MAPK8IP1: variants seen among roughly 807,000 people sequenced by gnomAD.
MAPK8IP1 encodes the protein C-Jun-amino-terminal kinase-interacting protein 1.
In MAPK8IP1, 17 loss-of-function variants were observed where a neutral mutation model predicts 72.6. That is an observed-to-expected ratio of 0.23 (90% CI 0.16 to 0.35). The LOEUF is 0.35. Among genes scored for constraint, MAPK8IP1 ranks in the 10% least tolerant of loss-of-function variants. The pLI is 1.00. For synonymous variants in MAPK8IP1, 401 were observed against 443.4 expected (o/e 0.90, Z 1.20); for missense variants, 789 against 1,009.7 (o/e 0.78, Z 2.96).
intron 1 of MAPK8IP1, among the ~76,000 whole-genome samples, chr11:45,893,299 G>C (rs2086580312): frequency 6.7e-6 from 1 of 149,048 alleles, no homozygotes; most frequent in Non-Finnish European, 1.5e-5. Context: ...AGCAAGGCAG[G>C]GGAAAAGGGC....
chr11:45,899,692 G>A (rs1257069402), intron 2 of MAPK8IP1, among the ~76,000 whole-genome samples: 2 of 152,144 alleles, frequency 1.3e-5, no homozygotes, highest in Non-Finnish European at 2.9e-5. Context: ...GCCGTTCCTT[G>A]CTTGGCTGAG....
chr11:45,896,527 G>A (rs2134670064), intron 1 of MAPK8IP1: 3 of 1,096,114 alleles, frequency 2.7e-6, no homozygotes, highest in East Asian at 1.1e-4. Context: ...GGCATTGGAA[G>A]GGCAGGTGGA....
Position 45,903,591 on chromosome 11 carries a change from G to A in MAPK8IP1, c.1493+151G>A, listed in dbSNP as rs1166342487. 2.7e-6 allele frequency: 2 copies of A among 733,610 alleles called. No individual in the cohort carries two copies. The highest frequency in any genetic ancestry group is 4.7e-6 in the Non-Finnish European group (2 of 421,406). The allele number at this position is 733,610 out of a possible 1,614,324, so 45.4% of individuals were successfully genotyped here. On this transcript the variant is annotated intron_variant, in intron 6 of 11. Coordinates refer to ENST00000241014, the MANE Select transcript of MAPK8IP1 (RefSeq NM_005456.4). This position sits in a 1 kb window ranked among gnomAD's most constrained non-coding sequence, Gnocchi z 6.4. ...CTGGGAGGACAGTGTCCACTCTCTA[G>A]GGACTCAGAGTATGGTGACAAAGAG...
intron 1 of MAPK8IP1, among the ~76,000 whole-genome samples, chr11:45,889,357 A>C (rs904917406): frequency 6.6e-6 from 1 of 152,222 alleles, no homozygotes; most frequent in Non-Finnish European, 1.5e-5. Flanking sequence ...AGGGCTGCTC[A>C]CCTGTATTTG....
chr11:45,893,880 T>C (rs76494389), intron 1 of MAPK8IP1, among the ~76,000 whole-genome samples: 2,597 of 151,542 alleles, frequency 0.017, 57 homozygotes, highest in African/African-American at 0.044. Flanking sequence ...CTGTTTAGCC[T>C]TCTCTCCATA....
Position 45,902,640 on chromosome 11 carries a change from C to T in MAPK8IP1, c.873C>T (p.Asp291=), listed in dbSNP as rs138625751. 83 of 1,612,992 alleles carry T rather than the reference C, an allele frequency of 5.1e-5. No homozygotes were observed. Among genetic ancestry groups the T allele is most frequent in the East Asian group, 2.5e-4 (11 of 44,870 alleles). The part of the protein sequence containing the change: ...IYLTPVQRPP[D]AAEPTSAFLP... Reference sequence around the variant, plus strand: ...TGACCCCAGTGCAGAGGCCCCCAGACGCTGCAGAGCCCACCTCCGCCTTCC... The same window carrying T: ...TGACCCCAGTGCAGAGGCCCCCAGATGCTGCAGAGCCCACCTCCGCCTTCC... The change falls in exon 5 of 12, where the codon GAC becomes GAT. Residue 291 remains aspartate (D), a synonymous_variant. Coordinates refer to ENST00000241014, the MANE Select transcript of MAPK8IP1 (RefSeq NM_005456.4). The surrounding 1 kb of genome is among the most constrained non-coding windows in gnomAD (Gnocchi z 9.3).
chr11:45,900,359 C>A lies in MAPK8IP1; in HGVS notation c.429C>A (p.Ser143Arg). The A allele has an allele frequency of 6.6e-7, 1 of 1,514,260 alleles. No individual in the cohort carries two copies. Among genetic ancestry groups the A allele is most frequent in the Non-Finnish European group, 8.8e-7 (1 of 1,137,806 alleles). 93.8% of individuals were successfully genotyped at this position (1,514,260 alleles called of 1,614,324 possible). A position where few individuals can be genotyped will look rare whatever the true frequency, so the allele number is the denominator to read the frequency against. ...QEPASRGQGQ[S>R]QGQSQGPGSG... ...CGGCGTCCCGCGGCCAGGGCCAGAG[C>A]CAAGGCCAGAGCCAGGGCCCGGGCA... is the stretch of plus-strand genomic sequence containing the variant. The change falls in exon 3 of 12, where the codon AGC becomes AGA. Residue 143 changes from serine (S) to arginine (R), a missense_variant. Transcript: ENST00000241014. This position sits in a 1 kb window ranked among gnomAD's most constrained non-coding sequence, Gnocchi z 6.5.
At chr11:45,896,477 G>C in intron 1 of MAPK8IP1, 1 of 990,012 alleles carries the variant, frequency 1.0e-6, no homozygotes, top group Non-Finnish European at 1.2e-6. Flanking sequence ...CTACTTACAA[G>C]CCTGGGCCAG....
At chr11:45,896,550 G>T in intron 1 of MAPK8IP1, 1 of 1,161,884 alleles carries the variant, frequency 8.6e-7, no homozygotes, top group Non-Finnish European at 1.1e-6. Flanking sequence ...CAGTGGCATT[G>T]ATTGCAGTAA....
rs886177247 is a variant in MAPK8IP1, at chr11:45,900,628, C to T, written c.522+176C>T. ...GGATCCGAGGAGCGGGCAGAACCAT[C>T]CTTACGAAGAGGGGGCTGAGTCCAG... On this transcript the variant is annotated intron_variant, in intron 3 of 11. Transcript: ENST00000241014. This position sits in a 1 kb window ranked among gnomAD's most constrained non-coding sequence, Gnocchi z 6.5. 6.6e-6 allele frequency among the ~76,000 whole-genome samples: 1 copy of T among 152,202 alleles called. No homozygotes were observed. Among genetic ancestry groups the T allele is most frequent in the African/African-American group, 2.4e-5 (1 of 41,444 alleles).
At chr11:45,895,263 G>A (rs906116757) in intron 1 of MAPK8IP1, among the ~76,000 whole-genome samples, 4 of 152,194 alleles carry the variant, frequency 2.6e-5, no homozygotes, top group African/African-American at 9.7e-5. Flanking sequence ...TGGGAGGGCA[G>A]AGGCAGGAGC....
chr11:45,900,137 GC>G lies in MAPK8IP1; in HGVS notation c.212del (p.Pro71ArgfsTer26). 1 of 1,274,624 alleles carries G rather than the reference GC, an allele frequency of 7.8e-7. No individual in the cohort carries two copies. The highest frequency in any genetic ancestry group is 9.8e-7 in the Non-Finnish European group (1 of 1,015,342). The allele number at this position is 1,274,624 out of a possible 1,614,324, so 79.0% of individuals were successfully genotyped here. On this transcript the variant is annotated frameshift_variant and splice_region_variant, in exon 3 of 12. Transcript: ENST00000241014. LOFTEE classifies it high-confidence loss of function. The surrounding 1 kb of genome is among the most constrained non-coding windows in gnomAD (Gnocchi z 6.5). ...CTGACGCCCCTCCGTGCGCTGTGCAGCCCCCGCGCGCCGGGCTGCTCTCTGC... is the reference window on the plus strand; with the variant it reads ...CTGACGCCCCTCCGTGCGCTGTGCAGCCCCGCGCGCCGGGCTGCTCTCTGC... ...LQCKDTLSLR[P>X]PRAGLLSAGG...
rs2086704257 is a variant in MAPK8IP1 at position 45,905,841 on chromosome 11, T to C, written c.*120T>C. The C allele has an allele frequency of 1.1e-6, 1 of 943,108 alleles. No homozygotes were observed. The highest frequency in any genetic ancestry group is 1.7e-6 in the Non-Finnish European group (1 of 588,556). The allele number at this position is 943,108 out of a possible 1,614,324, so 58.4% of individuals were successfully genotyped here. ...CTGCCACCGCCAGAGGACAAGGAAG[T>C]GGGGGCCGCTGGCCCAGGGTAGGGG... On this transcript the variant is annotated 3_prime_UTR_variant, in exon 12 of 12. Coordinates refer to ENST00000241014, the MANE Select transcript of MAPK8IP1 (RefSeq NM_005456.4).
At position 45,906,139 on chromosome 11, in the gene MAPK8IP1, C is replaced by T. The variant is rs2086707410; in HGVS notation, c.*418C>T. 1 of 365,592 alleles carries T rather than the reference C, an allele frequency of 2.7e-6. No homozygotes were observed. The highest frequency in any genetic ancestry group is 5.1e-6 in the Non-Finnish European group (1 of 197,778). The allele number at this position is 365,592 out of a possible 1,614,324, so 22.6% of individuals were successfully genotyped here. On this transcript the variant is annotated 3_prime_UTR_variant, in exon 12 of 12. Coordinates refer to ENST00000241014, the MANE Select transcript of MAPK8IP1 (RefSeq NM_005456.4). ...CCTGTGCCACCTGCAAGTGCCCGCC[C>T]TGCCCCTGCCCCAACCCCCACCGAA...
In MAPK8IP1 at chr11:45,900,841, T is replaced by C. The variant is rs2086647552; in HGVS notation, c.522+389T>C. ...GTGAAAGTGGAGCAGGAGCAGGGCC[T>C]GGAGAAAAGGGCATCTGAAATGGTC... On this transcript the variant is annotated intron_variant, in intron 3 of 11. Coordinates refer to ENST00000241014, the MANE Select transcript of MAPK8IP1 (RefSeq NM_005456.4). The surrounding 1 kb of genome is among the most constrained non-coding windows in gnomAD (Gnocchi z 6.5). Among the ~76,000 whole-genome samples, 1 of 151,724 alleles carries C rather than the reference T, an allele frequency of 6.6e-6. No homozygotes were observed. The highest frequency in any genetic ancestry group is 2.4e-5 in the African/African-American group (1 of 41,286).
At chr11:45,897,677 G>A (rs774868749) in intron 1 of MAPK8IP1, among the ~76,000 whole-genome samples, 13 of 152,192 alleles carry the variant, frequency 8.5e-5, no homozygotes, top group Non-Finnish European at 1.3e-4. Context: ...GCTACTGCAG[G>A]GATTGCACTG....
chr11:45,889,963 C>T (rs1408165248), intron 1 of MAPK8IP1, among the ~76,000 whole-genome samples: 1 of 152,350 alleles, frequency 6.6e-6, no homozygotes, highest in Admixed American at 6.5e-5. Context: ...GACAGACAGA[C>T]AGACGGCTTT....
At chr11:45,899,723 C>T (rs1216139011) in intron 2 of MAPK8IP1, among the ~76,000 whole-genome samples, 1 of 152,192 alleles carries the variant, frequency 6.6e-6, no homozygotes, top group African/African-American at 2.4e-5. Context: ...TCCAGTTTTC[C>T]TCAAGACCCC....
chr11:45,896,170 T>A (rs1353591514), intron 1 of MAPK8IP1, among the ~76,000 whole-genome samples: 1 of 152,268 alleles, frequency 6.6e-6, no homozygotes, highest in Non-Finnish European at 1.5e-5. Flanking sequence ...CCCTTAGCTG[T>A]GGCTCTGGTG....
Sources: allele counts gnomAD v4.1 joint callset (sites outside exome capture counted in the v4.1 genomes callset), GRCh38; gene constraint gnomAD v4.1.1; non-coding constraint Gnocchi (gnomAD v3.1); transcripts MANE v1.5; gene names NCBI Gene and HGNC (gene_info 2026-07-23, HGNC 2026-07-21).